Variants in PRKG1 observed in about 807,000 individuals in gnomAD.
PRKG1 encodes protein kinase cGMP-dependent 1.
PRKG1 carries 35 observed loss-of-function variants against 88.1 expected under a neutral mutation model. That is an observed-to-expected ratio of 0.40 (90% CI 0.30 to 0.53). PRKG1 has a LOEUF of 0.53. Ranked by LOEUF, PRKG1 falls within the 20% of genes least tolerant of loss-of-function variation. The pLI is 0.59. For synonymous variants in PRKG1, 303 were observed against 292.5 expected, an observed-to-expected ratio of 1.04 and a Z score of -0.37; for missense variants, 540 against 839.8, an observed-to-expected ratio of 0.64 and a Z score of 4.41.
chr10:51,989,978 TTTGAG>T (rs1844261295), intron 5 of PRKG1, among the ~76,000 whole-genome samples: 1 of 152,110 alleles, frequency 6.6e-6, no homozygotes, highest in Non-Finnish European at 1.5e-5. Flanking sequence ...TTAAGTTGTT[TTTGAG>T]TTAATACTTT....
At chr10:52,079,420 GA>G (rs931939257) in intron 7 of PRKG1, among the ~76,000 whole-genome samples, 3 of 151,920 alleles carry the variant, frequency 2.0e-5, no homozygotes, top group African/African-American at 7.3e-5. Flanking sequence ...TCTTCCCTAA[GA>G]AAAAAAGAAT....
At chr10:51,442,141 G>T (rs937773032) in intron 2 of PRKG1, among the ~76,000 whole-genome samples, 1 of 151,572 alleles carries the variant, frequency 6.6e-6, no homozygotes, top group Non-Finnish European at 1.5e-5. Flanking sequence ...TTGTGAAATA[G>T]AAAGTATTCA....
At chr10:51,962,758 G>A (rs1292103631) in intron 5 of PRKG1, among the ~76,000 whole-genome samples, 1 of 152,148 alleles carries the variant, frequency 6.6e-6, no homozygotes, top group African/African-American at 2.4e-5. Context: ...CTCCTGATGT[G>A]GAGTGGCTGT....
intron 4 of PRKG1, among the ~76,000 whole-genome samples, chr10:51,870,128 AG>A (rs1408502047): frequency 1.3e-5 from 2 of 152,156 alleles, no homozygotes; most frequent in African/African-American, 2.4e-5. Flanking sequence ...CTTTTTCTTA[AG>A]GCAATGCAAT....
At position 52,233,671 on chromosome 10, in the gene PRKG1, G is replaced by A. The variant is rs1280082363; in HGVS notation, c.1077-17899G>A. ...CTGGCTCGGAGGGTCCTATGCCCAC[G>A]GAATCTCGCTGATTGCTAGCACAGC... On this transcript the variant is annotated intron_variant, in intron 9 of 17. Transcript: ENST00000373980. Among the ~76,000 whole-genome samples the A allele has an allele frequency of 5.0e-5, 7 of 139,614 alleles. No homozygotes were observed. In the South Asian group the frequency reaches 8.2e-4, roughly 16 times the overall value. 91.6% of individuals were successfully genotyped at this position (139,614 alleles called of 152,430 possible).
intron 3 of PRKG1, among the ~76,000 whole-genome samples, chr10:51,605,309 T>A (rs901529150): frequency 6.6e-6 from 1 of 152,196 alleles, no homozygotes; most frequent in Non-Finnish European, 1.5e-5. Flanking sequence ...CAGGAGTTCC[T>A]GTTCTCACTT....
At chr10:52,129,141 G>T (rs77535306) in intron 7 of PRKG1, among the ~76,000 whole-genome samples, 1,679 of 152,204 alleles carry the variant, frequency 0.011, 25 homozygotes, top group East Asian at 0.051. Context: ...CTCTTTCCTT[G>T]TCCTGCTTCT....
intron 3 of PRKG1, among the ~76,000 whole-genome samples, chr10:51,484,612 A>G (rs1018635431): frequency 6.6e-6 from 1 of 151,974 alleles, no homozygotes; most frequent in Non-Finnish European, 1.5e-5. Flanking sequence ...TTTAATGTAT[A>G]CTCTGTTTCA....
At chr10:51,944,434 T>A (rs1842979788) in intron 5 of PRKG1, among the ~76,000 whole-genome samples, 1 of 151,838 alleles carries the variant, frequency 6.6e-6, no homozygotes, top group Non-Finnish European at 1.5e-5. Flanking sequence ...TTTTGAAGGG[T>A]TTTTTGTATC....
At chr10:51,992,136 T>C (rs1324292657) in intron 5 of PRKG1, among the ~76,000 whole-genome samples, 1 of 152,192 alleles carries the variant, frequency 6.6e-6, no homozygotes, top group African/African-American at 2.4e-5. Context: ...TACAGGGTAT[T>C]TGATAAATCA....
intron 2 of PRKG1, among the ~76,000 whole-genome samples, chr10:51,337,076 G>A (rs1289544595): frequency 6.6e-6 from 1 of 152,072 alleles, no homozygotes; most frequent in Non-Finnish European, 1.5e-5. Context: ...TAGACCAATG[G>A]AACAGAACAG....
chr10:51,795,514 A>C (rs1162053500), intron 3 of PRKG1, among the ~76,000 whole-genome samples: 2 of 152,118 alleles, frequency 1.3e-5, no homozygotes, highest in Non-Finnish European at 2.9e-5. Flanking sequence ...CTAATTATGA[A>C]GCATTTGTCT....
intron 4 of PRKG1, among the ~76,000 whole-genome samples, chr10:51,874,090 G>A (rs1178056160): frequency 6.6e-6 from 1 of 152,186 alleles, no homozygotes; most frequent in Non-Finnish European, 1.5e-5. Flanking sequence ...AAATTTAACA[G>A]CAACCTCAAA....
intron 3 of PRKG1, among the ~76,000 whole-genome samples, chr10:51,558,055 C>T (rs892951384): frequency 1.3e-5 from 2 of 151,914 alleles, no homozygotes; most frequent in Non-Finnish European, 2.9e-5. Context: ...TTGATGTAGG[C>T]CTATTTGGAA....
intron 1 of PRKG1, among the ~76,000 whole-genome samples, chr10:51,078,323 A>G (rs1331400707): frequency 7.0e-6 from 1 of 143,708 alleles, no homozygotes; most frequent in African/African-American, 2.6e-5. Flanking sequence ...GGTTCAAGCA[A>G]CTCTCCCATC....
chr10:52,295,013 A>G lies in PRKG1; in HGVS notation c.*1113A>G, dbSNP rs1842352043. 1 of 152,516 alleles carries G rather than the reference A, an allele frequency of 6.6e-6. No homozygotes were observed. Among genetic ancestry groups the G allele is most frequent in the Non-Finnish European group, 1.5e-5 (1 of 67,980 alleles). 9.4% of individuals were successfully genotyped at this position (152,516 alleles called of 1,614,324 possible). On this transcript the variant is annotated 3_prime_UTR_variant, in exon 18 of 18. Transcript: ENST00000373980. Reference sequence around the variant, plus strand: ...CCAATTTCACTTATACAACATAGTCAGTCTAGAGTTGAGAGACAAAGGTAA... The same window carrying G: ...CCAATTTCACTTATACAACATAGTCGGTCTAGAGTTGAGAGACAAAGGTAA...
chr10:51,930,578 C>T (rs1461997615), intron 5 of PRKG1, among the ~76,000 whole-genome samples: 2 of 145,418 alleles, frequency 1.4e-5, no homozygotes, highest in Non-Finnish European at 3.0e-5. Context: ...GCAGCTTCTG[C>T]CTCCTGAGTT....
intron 2 of PRKG1, among the ~76,000 whole-genome samples, chr10:51,249,932 G>T (rs962436316): frequency 1.3e-5 from 2 of 151,824 alleles, no homozygotes; most frequent in African/African-American, 4.8e-5. Context: ...AAAAGCGTAA[G>T]TAATATGTTA....
chr10:52,163,479 T>G (rs1209722520), intron 9 of PRKG1, among the ~76,000 whole-genome samples: 1 of 151,778 alleles, frequency 6.6e-6, no homozygotes, highest in African/African-American at 2.4e-5. Context: ...ATAGAAAAAT[T>G]CAAGACTTTT....
Sources: gnomAD v4.1 joint callset for allele counts (sites outside exome capture counted in the v4.1 genomes callset) on GRCh38, gnomAD v4.1.1 for gene constraint, MANE v1.5 for transcripts, NCBI Gene and HGNC (gene_info 2026-07-23, HGNC 2026-07-21) for gene names.